Variants in TMEM87B observed in about 807,000 individuals in gnomAD.
TMEM87B encodes the protein transmembrane protein 87B.
A neutral mutation model predicts 80.3 loss-of-function variants in TMEM87B; 83 were observed. The observed-to-expected ratio is 1.03, with a 90% CI of 0.87 to 1.24. The LOEUF (loss-of-function observed/expected upper bound fraction) is 1.24. Ranked by LOEUF, TMEM87B falls within the 50% of genes most tolerant of loss-of-function variation. TMEM87B has a pLI of 0.00. For missense variants in TMEM87B, 625 were observed against 674.4 expected (o/e 0.93, Z 0.81); for synonymous variants, 219 against 230.5 (o/e 0.95, Z 0.45).
At chr2:112,086,228 A>G (rs187329206) in intron 9 of TMEM87B, 124 bp downstream of exon 9, 39 of 621,648 alleles carry the variant, frequency 6.3e-5, no homozygotes, top group African/African-American at 5.1e-4. Flanking sequence ...GGAAAAATCT[A>G]CAAGAACACA....
intron 3 of TMEM87B, 62 bp downstream of exon 3, chr2:112,064,315 AT>A: frequency 7.4e-7 from 1 of 1,357,444 alleles, no homozygotes. Flanking sequence ...GGGTATAAAG[AT>A]TAGCTCATCA....
At chr2:112,097,974 G>A (rs1327227888) in intron 13 of TMEM87B, among the ~76,000 whole-genome samples, 4 of 151,062 alleles carry the variant, frequency 2.6e-5, no homozygotes, top group South Asian at 2.1e-4. Context: ...GCATTCGAGC[G>A]ATGTTTTCTT....
chr2:112,061,548 G>T (rs1678258813), intron 2 of TMEM87B, among the ~76,000 whole-genome samples: 1 of 152,228 alleles, frequency 6.6e-6, no homozygotes, highest in South Asian at 2.1e-4. Context: ...GAAGTCCAAG[G>T]TGAGAGAGAA....
At chr2:112,112,792 C>A in intron 17 of TMEM87B, 107 bp from the exon 18 acceptor site, 2 of 1,038,828 alleles carry the variant, frequency 1.9e-6, no homozygotes, top group South Asian at 1.4e-5. Flanking sequence ...TGTGGATACC[C>A]AGGAGTGAGA....
At chr2:112,111,741 G>A (rs1345823443) in intron 17 of TMEM87B, among the ~76,000 whole-genome samples, 1 of 152,160 alleles carries the variant, frequency 6.6e-6, no homozygotes, top group African/African-American at 2.4e-5. Context: ...ATTTTAAACA[G>A]ATCATGAATA....
At chr2:112,061,308 G>A (rs1338545305) in intron 2 of TMEM87B, among the ~76,000 whole-genome samples, 1 of 152,126 alleles carries the variant, frequency 6.6e-6, no homozygotes, top group Non-Finnish European at 1.5e-5. Context: ...TCAGGATAAG[G>A]AGCAGTTTTT....
chr2:112,077,303 T>C, intron 6 of TMEM87B, 21 bp downstream of exon 6: 7 of 1,300,994 alleles, frequency 5.4e-6, no homozygotes, highest in Non-Finnish European at 7.5e-6. Flanking sequence ...ACTGCATGCA[T>C]GTTTACTGTC....
At chr2:112,084,149 A>T (rs1173946445) in intron 8 of TMEM87B, among the ~76,000 whole-genome samples, 1 of 152,194 alleles carries the variant, frequency 6.6e-6, no homozygotes, top group East Asian at 1.9e-4. Context: ...GAAAGTTGAG[A>T]ATCTTGCTGT....
chr2:112,061,481 C>T (rs1269395696), intron 2 of TMEM87B, among the ~76,000 whole-genome samples: 2 of 152,120 alleles, frequency 1.3e-5, no homozygotes, highest in African/African-American at 2.4e-5. Context: ...GAGGTGGTTT[C>T]AAGCAGCTCT....
chr2:112,106,371 G>C (rs1450139786), intron 16 of TMEM87B, among the ~76,000 whole-genome samples: 1 of 152,122 alleles, frequency 6.6e-6, no homozygotes, highest in African/African-American at 2.4e-5. Flanking sequence ...GGACGCTCCT[G>C]AATTGGAATC....
chr2:112,106,122 C>G, intron 16 of TMEM87B, 47 bp downstream of exon 16: 1 of 1,263,104 alleles, frequency 7.9e-7, no homozygotes, highest in Middle Eastern at 2.0e-4. Context: ...CCTTAGTCTT[C>G]ACTACTTTAG....
At chr2:112,093,945 C>G (rs1262408764) in intron 11 of TMEM87B, among the ~76,000 whole-genome samples, 1 of 152,164 alleles carries the variant, frequency 6.6e-6, no homozygotes, top group African/African-American at 2.4e-5. Flanking sequence ...TTAGATCTTA[C>G]TGTCTTATTT....
chr2:112,098,514 G>A (rs1573720057), intron 13 of TMEM87B, 81 bp from the exon 14 acceptor site: 1 of 1,295,978 alleles, frequency 7.7e-7, no homozygotes, highest in Non-Finnish European at 1.1e-6. Flanking sequence ...ATTAGTACTT[G>A]TCATTGTACA....
chr2:112,079,449 CT>C (rs1393078930), intron 6 of TMEM87B, among the ~76,000 whole-genome samples: 2 of 152,152 alleles, frequency 1.3e-5, no homozygotes, highest in African/African-American at 4.8e-5. Flanking sequence ...GAATTTTCTT[CT>C]TTTTAAAGGC....
At chr2:112,099,555 T>TATATATATATATATACAC (rs1019425429) in intron 14 of TMEM87B, among the ~76,000 whole-genome samples, 2 of 73,558 alleles carry the variant, frequency 2.7e-5, no homozygotes, top group African/African-American at 1.0e-4. Flanking sequence ...TATATATATA[T>TATATATATATATATACAC]ACACACACAC....
chr2:112,067,345 C>T (rs1455646413), intron 4 of TMEM87B, among the ~76,000 whole-genome samples: 4 of 152,030 alleles, frequency 2.6e-5, no homozygotes, highest in East Asian at 1.9e-4. Context: ...CGGTGGCTCA[C>T]ACCTGTAATC....
chr2:112,103,126 T>C (rs1679678113), intron 15 of TMEM87B, among the ~76,000 whole-genome samples: 1 of 152,164 alleles, frequency 6.6e-6, no homozygotes, highest in African/African-American at 2.4e-5. Flanking sequence ...AGGGTATATG[T>C]CCAATGTACA....
intron 8 of TMEM87B, among the ~76,000 whole-genome samples, chr2:112,083,970 ATGATCT>A (rs1558839194): frequency 6.6e-6 from 1 of 152,194 alleles, no homozygotes; most frequent in Non-Finnish European, 1.5e-5. Flanking sequence ...GTGAAATCTG[ATGATCT>A]TGAACTTAGG....
intron 17 of TMEM87B, 128 bp from the exon 18 acceptor site, chr2:112,112,771 C>T: frequency 1.2e-6 from 1 of 845,234 alleles, no homozygotes; most frequent in Non-Finnish European, 1.9e-6. Flanking sequence ...TAGATGCTCC[C>T]TTCTGTCACC....
Sources: allele counts gnomAD v4.1 joint callset (sites outside exome capture counted in the v4.1 genomes callset), GRCh38; gene constraint gnomAD v4.1.1; transcripts MANE v1.5; gene names NCBI Gene and HGNC (gene_info 2026-07-23, HGNC 2026-07-21).